Variants in VAT1L observed in about 807,000 individuals in gnomAD.
VAT1L encodes putative NADPH-dependent quinone oxidoreductase VAT1L.
VAT1L carries 34 observed loss-of-function variants against 44.1 expected under a neutral mutation model. That is an observed-to-expected ratio of 0.77 (90% CI 0.59 to 1.03). The LOEUF is 1.03. Among genes scored for constraint, VAT1L ranks in the 50% least tolerant of loss-of-function variants. VAT1L has a pLI of 0.00. For synonymous variants in VAT1L, 253 were observed against 202.2 expected (o/e 1.25, Z -2.13); for missense variants, 615 against 538.8 (o/e 1.14, Z -1.40).
At chr16:77,967,186 T>C (rs944412566) in intron 7 of VAT1L, among the ~76,000 whole-genome samples, 5 of 152,310 alleles carry the variant, frequency 3.3e-5, no homozygotes, top group African/African-American at 1.2e-4. Flanking sequence ...AAGGGGAAGC[T>C]GCCCTCTCAG....
intron 7 of VAT1L, among the ~76,000 whole-genome samples, chr16:77,968,318 G>A (rs925176473): frequency 6.6e-6 from 1 of 152,186 alleles, no homozygotes; most frequent in African/African-American, 2.4e-5. Context: ...GCAAAAACAA[G>A]TTCAAGAAAG....
chr16:77,931,888 TA>T lies in VAT1L; in HGVS notation c.1078-39961del, dbSNP rs552458626. On this transcript the variant is annotated intron_variant, in intron 7 of 8. Transcript: ENST00000302536. ...ATGTGAACTTTGACTTGCTATTTTT[TA>T]TAGGAAAACTTTGATGTACTGTGAA... 1.5e-3 allele frequency among the ~76,000 whole-genome samples: 225 copies of T among 152,296 alleles called. 1 individual carries two copies. Among genetic ancestry groups the T allele is most frequent in the Middle Eastern group, 3.4e-3 (1 of 294 alleles).
At chr16:77,892,693 GCA>G (rs2017280679) in intron 7 of VAT1L, 1 of 730,454 alleles carries the variant, frequency 1.4e-6, no homozygotes, top group Non-Finnish European at 2.6e-6. Flanking sequence ...TCATCCTAAA[GCA>G]TATAGGTCCT....
intron 4 of VAT1L, among the ~76,000 whole-genome samples, chr16:77,871,570 G>A (rs758888113): frequency 6.6e-6 from 1 of 152,120 alleles, no homozygotes; most frequent in African/African-American, 2.4e-5. Flanking sequence ...AGATGTGATG[G>A]AACAAACTAA....
intron 7 of VAT1L, among the ~76,000 whole-genome samples, chr16:77,941,463 A>G (rs376461912): frequency 6.6e-6 from 1 of 152,334 alleles, no homozygotes; most frequent in African/African-American, 2.4e-5. Context: ...CAAGCTATCA[A>G]CCAGACAATG....
At chr16:77,939,513 T>C (rs1345858094) in intron 7 of VAT1L, among the ~76,000 whole-genome samples, 1 of 152,182 alleles carries the variant, frequency 6.6e-6, no homozygotes. Context: ...ACATCAGTGG[T>C]AACAGTTATG....
intron 7 of VAT1L, among the ~76,000 whole-genome samples, chr16:77,935,404 C>A (rs139715666): frequency 1.3e-3 from 192 of 150,388 alleles, no homozygotes; most frequent in Middle Eastern, 6.9e-3. Flanking sequence ...AGGTGAGCAT[C>A]TTCTTTGGGC....
intron 7 of VAT1L, among the ~76,000 whole-genome samples, chr16:77,954,206 G>C (rs1362102913): frequency 6.6e-6 from 1 of 152,188 alleles, no homozygotes; most frequent in Non-Finnish European, 1.5e-5. Context: ...CAGAACCAAA[G>C]CTGAGATCCG....
chr16:77,863,038 A>G, intron 4 of VAT1L, 148 bp downstream of exon 4: 1 of 978,862 alleles, frequency 1.0e-6, no homozygotes, highest in South Asian at 1.9e-5. Context: ...CAAATATTTC[A>G]CACGCATTAG....
chr16:77,929,965 C>G (rs1368588079), intron 7 of VAT1L, among the ~76,000 whole-genome samples: 1 of 152,124 alleles, frequency 6.6e-6, no homozygotes, highest in Non-Finnish European at 1.5e-5. Flanking sequence ...AGTCACTGTC[C>G]TCTTCAACAT....
chr16:77,861,437 G>C (rs1013899207), intron 3 of VAT1L, among the ~76,000 whole-genome samples: 1 of 152,216 alleles, frequency 6.6e-6, no homozygotes, highest in Non-Finnish European at 1.5e-5. Flanking sequence ...AACTGCATTT[G>C]TGATTTCCCC....
At chr16:77,809,540 C>T (rs188127648) in intron 1 of VAT1L, among the ~76,000 whole-genome samples, 1 of 152,234 alleles carries the variant, frequency 6.6e-6, no homozygotes, top group Admixed American at 6.5e-5. Context: ...AGAGTGTGTG[C>T]TTTCACTAAA....
chr16:77,962,739 A>AAGGAAGGAAGAAAGGAAG (rs1567523608), intron 7 of VAT1L, among the ~76,000 whole-genome samples: 4 of 129,328 alleles, frequency 3.1e-5, no homozygotes, highest in Non-Finnish European at 6.5e-5. Context: ...AAAGAAGGAA[A>AAGGAAGGAAGAAAGGAAG]GAAGGAAGGA....
At chr16:77,942,747 T>C (rs1379657151) in intron 7 of VAT1L, among the ~76,000 whole-genome samples, 1 of 152,076 alleles carries the variant, frequency 6.6e-6, no homozygotes, top group Non-Finnish European at 1.5e-5. Flanking sequence ...TTTTTGTTTT[T>C]TGTCTTTGTT....
At chr16:77,973,075 T>C (rs2018297545) in intron 8 of VAT1L, among the ~76,000 whole-genome samples, 1 of 152,128 alleles carries the variant, frequency 6.6e-6, no homozygotes, top group South Asian at 2.1e-4. Flanking sequence ...ATCCCACCTA[T>C]TCTCCCTGGG....
At chr16:77,919,064 A>C (rs533005720) in intron 7 of VAT1L, among the ~76,000 whole-genome samples, 1 of 152,314 alleles carries the variant, frequency 6.6e-6, no homozygotes, top group East Asian at 1.9e-4. Flanking sequence ...GGGGAGAGGA[A>C]GTGCATTGAA....
intron 3 of VAT1L, among the ~76,000 whole-genome samples, chr16:77,854,504 G>A (rs922583431): frequency 6.6e-6 from 1 of 152,172 alleles, no homozygotes. Context: ...TGAAAAAAAT[G>A]TTTCTGACTC....
chr16:77,856,685 C>T (rs2016862773), intron 3 of VAT1L, among the ~76,000 whole-genome samples: 1 of 152,202 alleles, frequency 6.6e-6, no homozygotes, highest in Admixed American at 6.5e-5. Context: ...ACTCCAGCAG[C>T]TCTGCAATAA....
chr16:77,810,061 A>G (rs117184494), intron 1 of VAT1L, among the ~76,000 whole-genome samples: 1,605 of 152,340 alleles, frequency 0.011, 9 homozygotes, highest in Non-Finnish European at 0.018. Context: ...ACTTAATCTA[A>G]TAACACCAAA....
Sources: gnomAD v4.1 joint callset for allele counts (sites outside exome capture counted in the v4.1 genomes callset) on GRCh38, gnomAD v4.1.1 for gene constraint, MANE v1.5 for transcripts, NCBI Gene and HGNC (gene_info 2026-07-23, HGNC 2026-07-21) for gene names.